Variants in PCDHGA8 observed in about 807,000 individuals in gnomAD.
The protein encoded by PCDHGA8 is protocadherin gamma subfamily A, 8.
PCDHGA8 carries 45 observed loss-of-function variants against 59.2 expected under a neutral mutation model. The ratio of observed to expected loss-of-function variants is 0.76; its 90% CI spans 0.60 to 0.98. PCDHGA8 has a LOEUF of 0.98. Among genes scored for constraint, PCDHGA8 ranks in the 50% least tolerant of loss-of-function variants. The probability of loss-of-function intolerance (pLI) is 0.00; values close to 1 mark genes in which losing one functional copy is unlikely to be tolerated. For synonymous variants in PCDHGA8, 531 were observed against 519.0 expected (o/e 1.02, Z -0.32); for missense variants, 1,257 against 1,196.2 (o/e 1.05, Z -0.75).
chr5:141,489,597 A>T lies in PCDHGA8; in HGVS notation c.2425-5210A>T. The T allele has an allele frequency of 6.2e-7, 1 of 1,614,100 alleles. No individual in the cohort carries two copies. Among genetic ancestry groups the T allele is most frequent in the African/African-American group, 1.3e-5 (1 of 75,040 alleles). ...AACACCCCCTGGAGCTAATCCGTGT[A>T]GAGGTAGAGATCCTGGATCTCAATG... On this transcript the variant is annotated intron_variant, in intron 1 of 3. Transcript: ENST00000398604. The surrounding 1 kb of genome is among the most constrained non-coding windows in gnomAD (Gnocchi z 4.5).
intron 1 of PCDHGA8, among the ~76,000 whole-genome samples, chr5:141,451,924 G>C (rs1337159204): frequency 1.3e-5 from 2 of 152,008 alleles, no homozygotes; most frequent in African/African-American, 4.8e-5. Context: ...AAGGAAGGGA[G>C]GTAGGGAGGC....
intron 1 of PCDHGA8, chr5:141,403,051 C>T (rs1273209859): frequency 3.7e-6 from 6 of 1,614,086 alleles, no homozygotes; most frequent in Admixed American, 1.7e-5. Context: ...AGATTCGCTA[C>T]TCAGTGCCTG....
intron 1 of PCDHGA8, chr5:141,415,059 C>A: frequency 1.2e-6 from 2 of 1,613,396 alleles, no homozygotes; most frequent in Non-Finnish European, 1.7e-6. Flanking sequence ...AGCACACGGG[C>A]GAGGTGCGCA....
chr5:141,409,262 G>C (rs768196825), intron 1 of PCDHGA8: 1 of 1,613,952 alleles, frequency 6.2e-7, no homozygotes, highest in Admixed American at 1.7e-5. Flanking sequence ...TTCTCTCTCT[G>C]ATCAGATTTT....
At chr5:141,455,128 T>C (rs2098813900) in intron 1 of PCDHGA8, among the ~76,000 whole-genome samples, 2 of 151,962 alleles carry the variant, frequency 1.3e-5, no homozygotes, top group Admixed American at 6.6e-5. Context: ...ATGTTTTAAA[T>C]TACACTGTGT....
chr5:141,510,015 A>G (rs2099879210), intron 3 of PCDHGA8, among the ~76,000 whole-genome samples: 1 of 152,210 alleles, frequency 6.6e-6, no homozygotes, highest in Non-Finnish European at 1.5e-5. Flanking sequence ...GTCATACCAC[A>G]TAGCTGGCTG....
At chr5:141,410,847 G>GTTTTT (rs773839667) in intron 1 of PCDHGA8, 12 of 158,330 alleles carry the variant, frequency 7.6e-5, no homozygotes, top group African/African-American at 2.5e-4. Flanking sequence ...TTTTGTCTTT[G>GTTTTT]TCTTTTTTTT....
intron 1 of PCDHGA8, among the ~76,000 whole-genome samples, chr5:141,461,983 C>T (rs1390320490): frequency 6.6e-6 from 1 of 152,192 alleles, no homozygotes. Flanking sequence ...GCCACCACGC[C>T]AGGCTAATTT....
Position 141,430,120 on chromosome 5 carries a change from G to A in PCDHGA8, c.2424+34883G>A, listed in dbSNP as rs73280905. Among the ~76,000 whole-genome samples, 1,257 of 152,134 alleles carry A rather than the reference G, an allele frequency of 8.3e-3. 17 individuals are homozygous for A. Among genetic ancestry groups the A allele is most frequent in the African/African-American group, 0.029 (1,193 of 41,506 alleles). Reference sequence around the variant, plus strand: ...TTAAGCGTTACATGTCAACAACCTGGTAAAGTAATCCTTCCATTCAGGATC... The same window carrying A: ...TTAAGCGTTACATGTCAACAACCTGATAAAGTAATCCTTCCATTCAGGATC... On this transcript the variant is annotated intron_variant, in intron 1 of 3. Coordinates refer to ENST00000398604, the MANE Select transcript of PCDHGA8 (RefSeq NM_032088.2).
At position 141,413,888 on chromosome 5, in the gene PCDHGA8, A is replaced by G. The variant is rs777389288; in HGVS notation, c.2424+18651A>G. On this transcript the variant is annotated intron_variant, in intron 1 of 3. Transcript: ENST00000398604. Reference sequence around the variant, plus strand: ...GTCCTTGTCAGTGTGACTGTCTTCGATGCAAATGACAACGCGCCGGTCTTC... The same window carrying G: ...GTCCTTGTCAGTGTGACTGTCTTCGGTGCAAATGACAACGCGCCGGTCTTC... The G allele has an allele frequency of 2.5e-5, 40 of 1,613,256 alleles. No individual in the cohort carries two copies. Among genetic ancestry groups the G allele is most frequent in the Non-Finnish European group, 3.4e-5 (40 of 1,179,886 alleles).
At chr5:141,474,912 C>T (rs1018411233) in intron 1 of PCDHGA8, among the ~76,000 whole-genome samples, 6 of 152,214 alleles carry the variant, frequency 3.9e-5, no homozygotes, top group African/African-American at 1.2e-4. Flanking sequence ...CAAGGATATA[C>T]ATCTCATCTC....
At chr5:141,414,409 A>AG in intron 1 of PCDHGA8, 1 of 1,613,870 alleles carries the variant, frequency 6.2e-7, no homozygotes. Flanking sequence ...GGTGATACAC[A>AG]GAGCCCTTGA....
chr5:141,422,715 T>C, intron 1 of PCDHGA8: 7 of 1,603,978 alleles, frequency 4.4e-6, no homozygotes, highest in African/African-American at 1.3e-5. Context: ...CGGATGACAC[T>C]GTCCAGGGGG....
intron 1 of PCDHGA8, among the ~76,000 whole-genome samples, chr5:141,456,381 G>T (rs1296419395): frequency 6.6e-6 from 1 of 152,110 alleles, no homozygotes; most frequent in Admixed American, 6.6e-5. Context: ...TTACAGCACC[G>T]TTTGGAGTTT....
At position 141,432,459 on chromosome 5, in the gene PCDHGA8, T is replaced by A. The variant is rs1230209932; in HGVS notation, c.2424+37222T>A. The A allele has an allele frequency of 1.2e-6, 2 of 1,613,984 alleles. No homozygotes were observed. Among genetic ancestry groups the A allele is most frequent in the South Asian group, 1.1e-5 (1 of 91,082 alleles). ...GCGCCCGAGATCCTGTACCCCGCCCTCCCCACGGACGGTTCCACTGGCGTG... is the reference window on the plus strand; with the variant it reads ...GCGCCCGAGATCCTGTACCCCGCCCACCCCACGGACGGTTCCACTGGCGTG... On this transcript the variant is annotated intron_variant, in intron 1 of 3. Transcript: ENST00000398604. The surrounding 1 kb of genome is among the most constrained non-coding windows in gnomAD (Gnocchi z 6.0).
chr5:141,422,576 C>G (rs778942661), intron 1 of PCDHGA8: 1 of 1,614,034 alleles, frequency 6.2e-7, no homozygotes, highest in South Asian at 1.1e-5. Context: ...AACGATAACC[C>G]TCCCGTTTTT....
At chr5:141,478,884 C>A in intron 1 of PCDHGA8, 1 of 1,194,298 alleles carries the variant, frequency 8.4e-7, no homozygotes, top group Non-Finnish European at 1.1e-6. Flanking sequence ...AGCTTGGTAT[C>A]ATTTACATTA....
rs375915850 is a variant in PCDHGA8, at chr5:141,397,975, G to A, written c.2424+2738G>A. The A allele has an allele frequency of 2.3e-4, 272 of 1,189,006 alleles. 1 individual carries two copies. Among genetic ancestry groups the A allele is most frequent in the African/African-American group, 9.9e-4 (64 of 64,918 alleles). 73.7% of individuals were successfully genotyped at this position (1,189,006 alleles called of 1,614,324 possible). ...GCCCCAGCTCAGACTCCCCAGCGCC[G>A]GCCTTTACACCGCTTCCTCCTCGGA... On this transcript the variant is annotated intron_variant, in intron 1 of 3. Transcript: ENST00000398604.
intron 1 of PCDHGA8, chr5:141,422,676 A>G (rs1245488589): frequency 1.2e-6 from 2 of 1,606,500 alleles, no homozygotes; most frequent in East Asian, 4.5e-5. Flanking sequence ...CGGACAGCAA[A>G]CAGAATGCCC....
Sources: gnomAD v4.1 joint callset for allele counts (sites outside exome capture counted in the v4.1 genomes callset) on GRCh38, gnomAD v4.1.1 for gene constraint, Gnocchi (gnomAD v3.1) non-coding constraint, MANE v1.5 for transcripts, NCBI Gene and HGNC (gene_info 2026-07-23, HGNC 2026-07-21) for gene names.